Variants in TRIM44 observed in about 807,000 individuals in gnomAD.
The protein encoded by TRIM44 is tripartite motif containing 44, also known as tripartite motif-containing protein 44.
TRIM44 carries 13 observed loss-of-function variants against 37.4 expected under a neutral mutation model. The ratio of observed to expected loss-of-function variants is 0.35; its 90% CI spans 0.23 to 0.55. The LOEUF is 0.55. Ranked by LOEUF, TRIM44 falls within the 20% of genes least tolerant of loss-of-function variation. The pLI, the probability that TRIM44 is intolerant of heterozygous loss-of-function variation, is 0.89. For synonymous variants in TRIM44, 175 were observed against 157.2 expected (o/e 1.11, Z -0.85); for missense variants, 426 against 437.2 (o/e 0.97, Z 0.23).
Position 35,713,353 on chromosome 11 carries a change from C to T in TRIM44, c.748-12571C>T, listed in dbSNP as rs74410108. On this transcript the variant is annotated intron_variant, in intron 2 of 4. Transcript: ENST00000299413. ...GATTTAAGAGGTTAAGTGACTTGTT[C>T]ACGAGGCTAAAGATGCTAGTAAGTT... 0.014 allele frequency among the ~76,000 whole-genome samples: 2,104 copies of T among 152,264 alleles called. 116 individuals carry two copies. In the East Asian group the frequency reaches 0.14, roughly 10 times the overall value.
At chr11:35,802,481 G>C (rs1853383630) in intron 4 of TRIM44, among the ~76,000 whole-genome samples, 1 of 152,174 alleles carries the variant, frequency 6.6e-6, no homozygotes, top group African/African-American at 2.4e-5. Flanking sequence ...CAGAGCACAG[G>C]CATGTTTCTG....
At chr11:35,779,600 T>C (rs1261258247) in intron 4 of TRIM44, among the ~76,000 whole-genome samples, 1 of 152,140 alleles carries the variant, frequency 6.6e-6, no homozygotes, top group South Asian at 2.1e-4. Context: ...AAAAGCTCTT[T>C]AGTTTAATTA....
At chr11:35,747,970 G>C (rs750709672) in intron 4 of TRIM44, among the ~76,000 whole-genome samples, 1 of 152,160 alleles carries the variant, frequency 6.6e-6, no homozygotes, top group Non-Finnish European at 1.5e-5. Flanking sequence ...GAAAAGGCCA[G>C]GCACAGATGC....
chr11:35,663,037 G>C lies in TRIM44; in HGVS notation c.-75G>C. The C allele has an allele frequency of 6.9e-7, 1 of 1,442,782 alleles. No individual in the cohort carries two copies. Among genetic ancestry groups the C allele is most frequent in the South Asian group, 1.5e-5 (1 of 67,386 alleles). The allele number at this position is 1,442,782 out of a possible 1,614,324, so 89.4% of individuals were successfully genotyped here. A position where few individuals can be genotyped will look rare whatever the true frequency, so the allele number is the denominator to read the frequency against. On this transcript the variant is annotated 5_prime_UTR_variant, in exon 1 of 5. Transcript: ENST00000299413. ...CCTAGGAAGGGACCCGGGGCGGGAG[G>C]AGGAAGTGAGGCCGCGCGGAAGGAA...
chr11:35,752,491 C>T (rs1438029402), intron 4 of TRIM44, among the ~76,000 whole-genome samples: 1 of 151,654 alleles, frequency 6.6e-6, no homozygotes, highest in African/African-American at 2.4e-5. Context: ...ACCTGTGGTT[C>T]TCCCCCTCCC....
chr11:35,709,722 G>A (rs1851942245), intron 2 of TRIM44, among the ~76,000 whole-genome samples: 1 of 152,142 alleles, frequency 6.6e-6, no homozygotes, highest in South Asian at 2.1e-4. Context: ...AGAGATCAGA[G>A]GACACAAGTG....
At chr11:35,775,378 A>G (rs765741380) in intron 4 of TRIM44, among the ~76,000 whole-genome samples, 4 of 152,198 alleles carry the variant, frequency 2.6e-5, no homozygotes, top group Non-Finnish European at 4.4e-5. Flanking sequence ...GGCTGAAACA[A>G]TGGGATTTTC....
At chr11:35,766,366 TCTC>T (rs982863666) in intron 4 of TRIM44, among the ~76,000 whole-genome samples, 4 of 152,134 alleles carry the variant, frequency 2.6e-5, no homozygotes, top group Non-Finnish European at 5.9e-5. Flanking sequence ...ATATAGGGCT[TCTC>T]CTCCCCAAGG....
At chr11:35,778,217 C>T (rs1348979038) in intron 4 of TRIM44, among the ~76,000 whole-genome samples, 1 of 152,178 alleles carries the variant, frequency 6.6e-6, no homozygotes, top group Non-Finnish European at 1.5e-5. Context: ...CATCCTCGAT[C>T]ACTGATACCC....
At chr11:35,780,292 T>C (rs907272623) in intron 4 of TRIM44, among the ~76,000 whole-genome samples, 1 of 152,288 alleles carries the variant, frequency 6.6e-6, no homozygotes, top group South Asian at 2.1e-4. Context: ...TATAAGTTGA[T>C]GTAAGGTTAA....
In TRIM44 at chr11:35,697,752, T is replaced by C. The variant is rs77654530; in HGVS notation, c.747+12416T>C. Among the ~76,000 whole-genome samples the C allele has an allele frequency of 1.8e-3, 279 of 151,658 alleles. 2 individuals are homozygous for C. Among genetic ancestry groups the C allele is most frequent in the African/African-American group, 6.5e-3 (268 of 41,330 alleles). On this transcript the variant is annotated intron_variant, in intron 2 of 4. Coordinates refer to ENST00000299413, the MANE Select transcript of TRIM44 (RefSeq NM_017583.6). ...GTTTGTTGAGAATGATGGTTTCCAG[T>C]TGCATCCATGTCCCTACAAAGGACA...
intron 4 of TRIM44, among the ~76,000 whole-genome samples, chr11:35,758,093 G>C (rs1486252116): frequency 6.6e-6 from 1 of 152,182 alleles, no homozygotes; most frequent in Non-Finnish European, 1.5e-5. Context: ...AATGTTGACA[G>C]TGGGGTGTTA....
At chr11:35,762,822 A>G (rs1395027424) in intron 4 of TRIM44, among the ~76,000 whole-genome samples, 1 of 152,100 alleles carries the variant, frequency 6.6e-6, no homozygotes, top group African/African-American at 2.4e-5. Context: ...TATTTAAACT[A>G]TTTAAACTAA....
At chr11:35,727,672 A>G (rs917247177) in intron 3 of TRIM44, among the ~76,000 whole-genome samples, 3 of 152,142 alleles carry the variant, frequency 2.0e-5, no homozygotes, top group Non-Finnish European at 4.4e-5. Flanking sequence ...CCATTTTACA[A>G]ATGGGATATT....
chr11:35,772,555 C>T (rs1376991461), intron 4 of TRIM44, among the ~76,000 whole-genome samples: 2 of 152,216 alleles, frequency 1.3e-5, no homozygotes, highest in South Asian at 2.1e-4. Flanking sequence ...AGATTTGAGA[C>T]ATGGCATCAA....
At chr11:35,762,951 T>A (rs1273685690) in intron 4 of TRIM44, among the ~76,000 whole-genome samples, 3 of 152,092 alleles carry the variant, frequency 2.0e-5, no homozygotes, top group Non-Finnish European at 2.9e-5. Flanking sequence ...TTCATTCAGT[T>A]AAAAAAAATT....
intron 4 of TRIM44, among the ~76,000 whole-genome samples, chr11:35,764,675 A>C (rs1048314465): frequency 1.3e-5 from 2 of 152,130 alleles, no homozygotes; most frequent in African/African-American, 4.8e-5. Context: ...TGCCAGTAGG[A>C]GAGTACAATT....
intron 2 of TRIM44, among the ~76,000 whole-genome samples, chr11:35,711,166 T>C (rs1274768213): frequency 6.6e-6 from 1 of 152,250 alleles, no homozygotes; most frequent in Non-Finnish European, 1.5e-5. Flanking sequence ...CAAAATTGTA[T>C]ACTTTAAATG....
rs1004595378 is a variant in TRIM44 at position 35,776,433 on chromosome 11, A to G, written c.1008-29925A>G. On this transcript the variant is annotated intron_variant, in intron 4 of 4. Coordinates refer to ENST00000299413, the MANE Select transcript of TRIM44 (RefSeq NM_017583.6). ...GCTCCTGGATTCATTGATTTTTTTGAAGGGTTTTTTGTGTCTCTATCTCCT... is the reference window on the plus strand; with the variant it reads ...GCTCCTGGATTCATTGATTTTTTTGGAGGGTTTTTTGTGTCTCTATCTCCT... Among the ~76,000 whole-genome samples the G allele has an allele frequency of 3.9e-5, 6 of 152,158 alleles. No homozygotes were observed. In the East Asian group the frequency reaches 9.6e-4, roughly 24 times the overall value.
Sources: gnomAD v4.1 joint callset for allele counts (sites outside exome capture counted in the v4.1 genomes callset) on GRCh38, gnomAD v4.1.1 for gene constraint, MANE v1.5 for transcripts, NCBI Gene and HGNC (gene_info 2026-07-23, HGNC 2026-07-21) for gene names.